FREM3: variants seen among roughly 807,000 people sequenced by gnomAD.
The protein encoded by FREM3 is FRAS1 related extracellular matrix 3.
In FREM3, 105 loss-of-function variants were observed where a neutral mutation model predicts 129.1. The observed-to-expected ratio is 0.81, with a 90% CI of 0.69 to 0.96. The LOEUF is 0.96. FREM3 is among the 40% of genes least tolerant of loss of function. FREM3 has a pLI of 0.00. For synonymous variants in FREM3, 1,014 were observed against 1,044.9 expected (o/e 0.97, Z 0.57); for missense variants, 2,593 against 2,666.3 (o/e 0.97, Z 0.61).
chr4:143,668,998 G>C (rs775959685), intron 2 of FREM3, among the ~76,000 whole-genome samples: 1 of 152,168 alleles, frequency 6.6e-6, no homozygotes, highest in Non-Finnish European at 1.5e-5. Flanking sequence ...AGACACTGAA[G>C]AATGTCTGTC....
At chr4:143,621,004 T>C in intron 5 of FREM3, 33 bp downstream of exon 5, 1 of 1,533,762 alleles carries the variant, frequency 6.5e-7, no homozygotes, top group Non-Finnish European at 8.7e-7. Flanking sequence ...CATCATCTTA[T>C]TCCTATGAAC....
chr4:143,698,546 T>C lies in FREM3; in HGVS notation c.2130A>G (p.Thr710=), dbSNP rs1306283192. 2 of 1,537,552 alleles carry C rather than the reference T, an allele frequency of 1.3e-6. No individual in the cohort carries two copies. The highest frequency in any genetic ancestry group is 2.7e-5 in the African/African-American group (2 of 73,022). ...GGTATTCTTGTACAGTCATTTCTAG[T>C]GTAGTTCCTGGATACAGCTGTGGAC... ...ILSPQLYPGT[T]LEMTVQEYQL... Residue 710 remains threonine (T), a synonymous_variant, in exon 1 of 8, where the codon ACA becomes ACG. Coordinates refer to ENST00000329798, the MANE Select transcript of FREM3 (RefSeq NM_001168235.2).
chr4:143,656,755 G>A (rs944627609), intron 2 of FREM3, among the ~76,000 whole-genome samples: 1 of 152,190 alleles, frequency 6.6e-6, no homozygotes, highest in African/African-American at 2.4e-5. Flanking sequence ...GCATAATCCT[G>A]TGAATATACT....
At chr4:143,661,485 G>A (rs983863845) in intron 2 of FREM3, among the ~76,000 whole-genome samples, 2 of 151,820 alleles carry the variant, frequency 1.3e-5, no homozygotes, top group Admixed American at 6.6e-5. Flanking sequence ...GCTGGATTCT[G>A]TTTGCCAGTA....
In FREM3 at chr4:143,697,618, C is replaced by T; in HGVS notation, c.3058G>A (p.Ala1020Thr). Residue 1020 changes from alanine (A) to threonine (T), a missense_variant, in exon 1 of 8, where the codon GCC (alanine) becomes ACC (threonine). Ala to Thr is a moderately conservative substitution (Grantham distance 58, BLOSUM62 0). This residue lies in a region of FREM3 where 2,276 missense variants were observed against 2,267.2 expected (regional missense o/e 1.00). Transcript: ENST00000329798. Reference protein sequence around the residue: ...EDLINGRVAYAHTAGEVGFQK... With the variant: ...EDLINGRVAYTHTAGEVGFQK... ...AAACCAACTTCACCTGCAGTGTGGG[C>T]ATAGGCTACTCTCCCATTGATGAGA... 1 of 1,537,832 alleles carries T rather than the reference C, an allele frequency of 6.5e-7. No individual in the cohort carries two copies. Among genetic ancestry groups the T allele is most frequent in the Non-Finnish European group, 8.7e-7 (1 of 1,147,046 alleles).
intron 2 of FREM3, among the ~76,000 whole-genome samples, chr4:143,656,500 C>T (rs1177443404): frequency 6.6e-6 from 1 of 152,126 alleles, no homozygotes; most frequent in Non-Finnish European, 1.5e-5. Context: ...GCATGAAGTA[C>T]TGATATATGC....
intron 2 of FREM3, among the ~76,000 whole-genome samples, chr4:143,682,058 A>T (rs1740261615): frequency 6.6e-6 from 1 of 152,222 alleles, no homozygotes; most frequent in Non-Finnish European, 1.5e-5. Context: ...CACTAAAATA[A>T]TTCACCAAAA....
intron 2 of FREM3, among the ~76,000 whole-genome samples, chr4:143,646,938 A>T: frequency 6.6e-6 from 1 of 152,180 alleles, no homozygotes; most frequent in East Asian, 1.9e-4. Flanking sequence ...TCAGAAGAAG[A>T]TAGGAAAATG....
intron 2 of FREM3, among the ~76,000 whole-genome samples, chr4:143,651,018 T>C (rs1290981325): frequency 6.6e-6 from 1 of 152,228 alleles, no homozygotes; most frequent in Admixed American, 6.5e-5. Flanking sequence ...ACTATAGTGG[T>C]CTAGGTATTC....
chr4:143,580,926 C>T (rs1013762092), intron 7 of FREM3, among the ~76,000 whole-genome samples: 13 of 152,080 alleles, frequency 8.5e-5, no homozygotes, highest in Admixed American at 5.9e-4. Context: ...CAGGGCCTCC[C>T]GACCTGGGAC....
chr4:143,618,683 C>T (rs1738897007), intron 5 of FREM3, among the ~76,000 whole-genome samples: 3 of 152,104 alleles, frequency 2.0e-5, no homozygotes, highest in African/African-American at 7.2e-5. Context: ...CACTTGAAGT[C>T]AGGAGTTCGA....
At chr4:143,654,461 A>T (rs757190858) in intron 2 of FREM3, among the ~76,000 whole-genome samples, 1 of 152,260 alleles carries the variant, frequency 6.6e-6, no homozygotes, top group Non-Finnish European at 1.5e-5. Flanking sequence ...ATGTAATAAA[A>T]GACGTTATTG....
intron 2 of FREM3, among the ~76,000 whole-genome samples, chr4:143,642,111 C>T (rs1404112635): frequency 2.6e-5 from 4 of 152,170 alleles, no homozygotes; most frequent in Non-Finnish European, 5.9e-5. Context: ...TGAAAGACCT[C>T]TACACTGAAA....
At position 143,577,906 on chromosome 4, in the gene FREM3, C is replaced by T. The variant is rs561849651; in HGVS notation, c.6179-54G>A. 1.0e-5 allele frequency: 15 copies of T among 1,494,176 alleles called. No individual in the cohort carries two copies. The African/African-American group carries it at 1.5e-4, about 15-fold the overall frequency. 92.6% of individuals were successfully genotyped at this position (1,494,176 alleles called of 1,614,324 possible). On this transcript the variant is annotated intron_variant, in intron 7 of 7. Coordinates refer to ENST00000329798, the MANE Select transcript of FREM3 (RefSeq NM_001168235.2). ...GACAGTAGGATTTGTCATAAGTTTT[C>T]CTTCAGAGAAAAATGAGAGCTCTCA... is the stretch of plus-strand genomic sequence containing the variant.
At chr4:143,615,162 T>G (rs577144801) in intron 5 of FREM3, among the ~76,000 whole-genome samples, 2 of 152,186 alleles carry the variant, frequency 1.3e-5, no homozygotes, top group South Asian at 4.1e-4. Flanking sequence ...TTTGGTTACT[T>G]TATGAGGTGG....
chr4:143,629,547 C>G (rs1739101505), intron 2 of FREM3, among the ~76,000 whole-genome samples: 1 of 152,198 alleles, frequency 6.6e-6, no homozygotes, highest in Non-Finnish European at 1.5e-5. Context: ...CAAAAGCGCT[C>G]AAAATCCTAC....
At chr4:143,688,634 G>A (rs1259087892) in intron 2 of FREM3, among the ~76,000 whole-genome samples, 1 of 152,084 alleles carries the variant, frequency 6.6e-6, no homozygotes, top group African/African-American at 2.4e-5. Context: ...GTACTATAAG[G>A]CCATAGTCAC....
At chr4:143,626,272 A>C (rs1238285156) in intron 3 of FREM3, among the ~76,000 whole-genome samples, 1 of 152,202 alleles carries the variant, frequency 6.6e-6, no homozygotes, top group Non-Finnish European at 1.5e-5. Flanking sequence ...ATAACCCAAG[A>C]TGTAGTTCCT....
At position 143,600,964 on chromosome 4, in the gene FREM3, T is replaced by C. The variant is rs1738561775; in HGVS notation, c.6028+10315A>G. Among the ~76,000 whole-genome samples, 4 of 48,820 alleles carry C rather than the reference T, an allele frequency of 8.2e-5. No individual in the cohort carries two copies. The Admixed American group carries it at 8.4e-4, about 10-fold the overall frequency. The allele number at this position is 48,820 out of a possible 152,430, so 32.0% of individuals were successfully genotyped here. A position where few individuals can be genotyped will look rare whatever the true frequency, so the allele number is the denominator to read the frequency against. Reference sequence around the variant, plus strand: ...TTTTCTCCTTTCTGTTTCTAAAGTCTTTTTTTTTTTTTTTGAGATGTTGGG... The same window carrying C: ...TTTTCTCCTTTCTGTTTCTAAAGTCCTTTTTTTTTTTTTTGAGATGTTGGG... On this transcript the variant is annotated intron_variant, in intron 6 of 7. Coordinates refer to ENST00000329798, the MANE Select transcript of FREM3 (RefSeq NM_001168235.2).
Sources: gnomAD v4.1 joint callset for allele counts (sites outside exome capture counted in the v4.1 genomes callset) on GRCh38, gnomAD v4.1.1 for gene constraint, gnomAD v4.1.1 regional missense constraint, MANE v1.5 for transcripts, NCBI Gene and HGNC (gene_info 2026-07-23, HGNC 2026-07-21) for gene names.